The following ANO3 variants were observed in gnomAD, a reference collection of about 807,000 sequenced individuals.
ANO3 encodes the protein anoctamin 3.
In ANO3, 99 loss-of-function variants were observed where a neutral mutation model predicts 144.8. The observed-to-expected ratio is 0.68, with a 90% CI of 0.58 to 0.81. ANO3 has a LOEUF of 0.81. ANO3 is among the 30% of genes least tolerant of loss of function. The probability of loss-of-function intolerance (pLI) is 0.00; values close to 1 mark genes in which losing one functional copy is unlikely to be tolerated. For missense variants in ANO3, 905 were observed against 1,202.2 expected, an observed-to-expected ratio of 0.75 and a Z score of 3.66; for synonymous variants, 414 against 392.6, an observed-to-expected ratio of 1.05 and a Z score of -0.64.
intron 26 of ANO3, 79 bp downstream of exon 26, chr11:26,656,560 G>C (rs901228973): frequency 3.2e-6 from 3 of 942,482 alleles, no homozygotes; most frequent in Non-Finnish European, 1.7e-6. Context: ...TTTGAAATCA[G>C]TTCCTCAGAC....
At chr11:26,653,112 A>G (rs1444005703) in intron 24 of ANO3, among the ~76,000 whole-genome samples, 1 of 152,022 alleles carries the variant, frequency 6.6e-6, no homozygotes, top group Non-Finnish European at 1.5e-5. Context: ...TGACCATCTA[A>G]TTCAGTTTCA....
intron 1 of ANO3, among the ~76,000 whole-genome samples, chr11:26,380,744 G>C (rs1590311133): frequency 6.6e-6 from 1 of 152,164 alleles, no homozygotes; most frequent in East Asian, 1.9e-4. Context: ...CACTTTGGGA[G>C]GCTGAAGCGG....
intron 8 of ANO3, 127 bp from the exon 9 acceptor site, chr11:26,534,329 T>G (rs563077965): frequency 1.8e-6 from 1 of 550,090 alleles, no homozygotes; most frequent in Admixed American, 3.2e-5. Context: ...GTCAATTTTT[T>G]TTTAAAGAGG....
At chr11:26,324,514 A>C (rs1362185907) in intron 1 of ANO3, among the ~76,000 whole-genome samples, 19 of 152,230 alleles carry the variant, frequency 1.2e-4, no homozygotes, top group Admixed American at 1.2e-3. Flanking sequence ...GGACAACACA[A>C]AGAATATACA....
intron 17 of ANO3, among the ~76,000 whole-genome samples, chr11:26,607,599 CCAG>C: frequency 6.6e-6 from 1 of 152,042 alleles, no homozygotes; most frequent in Non-Finnish European, 1.5e-5. Flanking sequence ...TCTAATATTG[CCAG>C]TGGGGTGTTA....
chr11:26,580,594 G>T (rs34518852), intron 14 of ANO3, among the ~76,000 whole-genome samples: 19,134 of 152,166 alleles, frequency 0.13, 1,474 homozygotes, highest in Non-Finnish European at 0.16. Flanking sequence ...TATTGTTTCA[G>T]GTGGGCCTTC....
chr11:26,617,317 G>A (rs1169907210), intron 17 of ANO3, among the ~76,000 whole-genome samples: 1 of 152,162 alleles, frequency 6.6e-6, no homozygotes, highest in African/African-American at 2.4e-5. Flanking sequence ...TTGCTCTTAA[G>A]TTTATGTGTT....
chr11:26,645,142 T>G (rs1415580818), intron 23 of ANO3, among the ~76,000 whole-genome samples: 1 of 152,146 alleles, frequency 6.6e-6, no homozygotes, highest in Admixed American at 6.5e-5. Flanking sequence ...TTATTTCATT[T>G]AAATTGTTGA....
intron 4 of ANO3, among the ~76,000 whole-genome samples, chr11:26,499,928 A>G (rs1311956241): frequency 6.6e-6 from 1 of 151,920 alleles, no homozygotes; most frequent in Non-Finnish European, 1.5e-5. Flanking sequence ...GATTCCCTAG[A>G]AAGAAACCCT....
intron 1 of ANO3, among the ~76,000 whole-genome samples, chr11:26,316,021 G>C (rs1854617337): frequency 1.3e-5 from 2 of 152,184 alleles, no homozygotes; most frequent in South Asian, 4.1e-4. Context: ...AGAACAGAAG[G>C]GGTAAATAGG....
intron 1 of ANO3, among the ~76,000 whole-genome samples, chr11:26,415,816 T>C (rs1245013618): frequency 6.6e-6 from 1 of 152,114 alleles, no homozygotes; most frequent in Non-Finnish European, 1.5e-5. Flanking sequence ...TTTGAAAGCA[T>C]TATTTTCTAT....
intron 1 of ANO3, among the ~76,000 whole-genome samples, chr11:26,317,940 G>A (rs1471893962): frequency 3.9e-5 from 6 of 152,192 alleles, no homozygotes; most frequent in Non-Finnish European, 8.8e-5. Context: ...AAAAAAGGAT[G>A]AGTTCATGTC....
At chr11:26,405,269 T>C (rs1449928210) in intron 1 of ANO3, among the ~76,000 whole-genome samples, 1 of 151,816 alleles carries the variant, frequency 6.6e-6, no homozygotes, top group Non-Finnish European at 1.5e-5. Context: ...ATTTCTAGAA[T>C]TCTCCTCAGT....
intron 1 of ANO3, among the ~76,000 whole-genome samples, chr11:26,290,665 T>G (rs1459846708): frequency 1.3e-5 from 2 of 152,186 alleles, no homozygotes; most frequent in Non-Finnish European, 2.9e-5. Flanking sequence ...AATTCATTAT[T>G]TACCCAGTAG....
chr11:26,203,253 T>C (rs878891563), intron 1 of ANO3, among the ~76,000 whole-genome samples: 2 of 152,128 alleles, frequency 1.3e-5, no homozygotes, highest in East Asian at 1.9e-4. Context: ...GATTAGAAAG[T>C]ACAGAAATAA....
intron 1 of ANO3, among the ~76,000 whole-genome samples, chr11:26,360,628 C>A (rs1354772906): frequency 6.6e-6 from 1 of 152,074 alleles, no homozygotes; most frequent in African/African-American, 2.4e-5. Context: ...TAGTTGTCAC[C>A]CAGCTTTCTA....
In ANO3 at chr11:26,254,269, A is replaced by C. The variant is rs113567629; in HGVS notation, c.155-55376A>C. On this transcript the variant is annotated intron_variant, in intron 1 of 27. Coordinates refer to the ANO3 transcript ENST00000672621. ...CCATTTCTTTGGATCAGAGAGCCTAAATAGTTTAGGAGCTAATATGTTGCT... is the reference window on the plus strand; with the variant it reads ...CCATTTCTTTGGATCAGAGAGCCTACATAGTTTAGGAGCTAATATGTTGCT... Among the ~76,000 whole-genome samples, 1,167 of 152,258 alleles carry C rather than the reference A, an allele frequency of 7.7e-3. 13 individuals carry two copies. The highest frequency in any genetic ancestry group is 0.027 in the African/African-American group (1,104 of 41,564).
At chr11:26,537,009 T>A (rs375071413) in intron 9 of ANO3, among the ~76,000 whole-genome samples, 7,941 of 148,328 alleles carry the variant, frequency 0.054, 269 homozygotes, top group Admixed American at 0.096. Context: ...CCTTTAAATT[T>A]TTTTTTTTTT....
chr11:26,191,305 T>C (rs376741781), intron 1 of ANO3, among the ~76,000 whole-genome samples: 17 of 149,234 alleles, frequency 1.1e-4, no homozygotes, highest in Middle Eastern at 3.4e-3. Context: ...CATATATATA[T>C]ACACACACAC....
Sources: gnomAD v4.1 joint callset for allele counts (sites outside exome capture counted in the v4.1 genomes callset) on GRCh38, gnomAD v4.1.1 for gene constraint, MANE v1.5 for transcripts, NCBI Gene and HGNC (gene_info 2026-07-23, HGNC 2026-07-21) for gene names.